The following SGPP2 variants were observed in gnomAD, a reference collection of about 807,000 sequenced individuals.
SGPP2 encodes the protein sphingosine 1-phosphate phosphohydrolase 2.
In SGPP2, 30 loss-of-function variants were observed where a neutral mutation model predicts 33.9. The ratio of observed to expected loss-of-function variants is 0.89; its 90% confidence interval spans 0.66 to 1.20. The LOEUF (loss-of-function observed/expected upper bound fraction) is 1.20, where lower values mean the gene tolerates loss of function less well. Among genes scored for constraint, SGPP2 ranks in the 50% most tolerant of loss-of-function variants. The pLI is 0.00. For synonymous variants in SGPP2, 233 were observed against 225.0 expected (o/e 1.04, Z -0.32); for missense variants, 458 against 532.1 (o/e 0.86, Z 1.37).
At chr2:222,442,838 T>G (rs1010515020) in intron 1 of SGPP2, among the ~76,000 whole-genome samples, 1 of 152,188 alleles carries the variant, frequency 6.6e-6, no homozygotes, top group African/African-American at 2.4e-5. Flanking sequence ...AATTTACCCT[T>G]CCTCAGAGCA....
intron 1 of SGPP2, among the ~76,000 whole-genome samples, chr2:222,463,749 AGTTTT>A: frequency 6.6e-6 from 1 of 152,340 alleles, no homozygotes; most frequent in African/African-American, 2.4e-5. Context: ...GTCAGACTTC[AGTTTT>A]GTGTTTGTAT....
intron 3 of SGPP2, among the ~76,000 whole-genome samples, chr2:222,522,582 A>G (rs1698702268): frequency 6.6e-6 from 1 of 152,226 alleles, no homozygotes; most frequent in Non-Finnish European, 1.5e-5. Context: ...TATTACAGCA[A>G]TGGAAGTTAT....
chr2:222,533,534 C>T (rs1314158684), intron 4 of SGPP2, among the ~76,000 whole-genome samples: 3 of 152,164 alleles, frequency 2.0e-5, no homozygotes, highest in Non-Finnish European at 2.9e-5. Flanking sequence ...TTACCAGATG[C>T]GTTAGTCAGG....
At chr2:222,493,588 G>A (rs745594641) in intron 2 of SGPP2, among the ~76,000 whole-genome samples, 2 of 152,116 alleles carry the variant, frequency 1.3e-5, no homozygotes, top group Non-Finnish European at 2.9e-5. Flanking sequence ...CTCCCGCCTT[G>A]GCCTCCCAAA....
intron 2 of SGPP2, among the ~76,000 whole-genome samples, chr2:222,517,848 G>T (rs980519861): frequency 6.6e-6 from 1 of 152,242 alleles, no homozygotes; most frequent in Non-Finnish European, 1.5e-5. Context: ...TGTGAAGGGG[G>T]TCAGGGAACT....
rs1232227870 is a variant in SGPP2, at chr2:222,520,679, G to A, written c.379-1088G>A. ...TGGGAGGCAGAGGTTGCAGTGTGCC[G>A]GGTGCAGTGTGCATTCCAGCCTGGG... is the stretch of plus-strand genomic sequence containing the variant. On this transcript the variant is annotated intron_variant, in intron 2 of 4. Coordinates refer to ENST00000321276, the MANE Select transcript of SGPP2 (RefSeq NM_152386.4). 9.3e-5 allele frequency among the ~76,000 whole-genome samples: 14 copies of A among 151,180 alleles called. 1 individual carries two copies. The highest frequency in any genetic ancestry group is 2.7e-4 in the African/African-American group (11 of 41,096).
intron 1 of SGPP2, among the ~76,000 whole-genome samples, chr2:222,434,874 G>A (rs1170237277): frequency 1.3e-5 from 2 of 151,680 alleles, no homozygotes; most frequent in Admixed American, 6.6e-5. Flanking sequence ...AGAACATCAA[G>A]TATTTTGTTT....
At chr2:222,528,116 T>C (rs1181421759) in intron 4 of SGPP2, among the ~76,000 whole-genome samples, 2 of 152,208 alleles carry the variant, frequency 1.3e-5, no homozygotes, top group African/African-American at 4.8e-5. Flanking sequence ...ATAATGGTTC[T>C]CAACCATAGC....
At chr2:222,490,330 C>G (rs1459203130) in intron 2 of SGPP2, among the ~76,000 whole-genome samples, 1 of 152,126 alleles carries the variant, frequency 6.6e-6, no homozygotes, top group Non-Finnish European at 1.5e-5. Flanking sequence ...AACAGGCACT[C>G]AAATCAAAAC....
At chr2:222,452,260 A>T (rs1423251013) in intron 1 of SGPP2, 1 of 462,344 alleles carries the variant, frequency 2.2e-6, no homozygotes, top group Non-Finnish European at 4.0e-6. Context: ...ACCCTCCATC[A>T]TATTGACTGG....
At chr2:222,455,333 A>C (rs1301654810) in intron 1 of SGPP2, among the ~76,000 whole-genome samples, 1 of 152,128 alleles carries the variant, frequency 6.6e-6, no homozygotes, top group Non-Finnish European at 1.5e-5. Flanking sequence ...CTCTGAACGG[A>C]GATGTGTAGG....
At chr2:222,508,908 A>G (rs1025061175) in intron 2 of SGPP2, among the ~76,000 whole-genome samples, 3 of 152,184 alleles carry the variant, frequency 2.0e-5, no homozygotes, top group Non-Finnish European at 4.4e-5. Context: ...CGTTACACAC[A>G]CACACATCAC....
At chr2:222,542,275 T>C (rs62188475) in intron 4 of SGPP2, among the ~76,000 whole-genome samples, 3,388 of 152,316 alleles carry the variant, frequency 0.022, 60 homozygotes, top group Non-Finnish European at 0.034. Context: ...TTGTTTAGCA[T>C]CTAACTCATG....
chr2:222,492,148 C>T (rs1256710182), intron 2 of SGPP2, among the ~76,000 whole-genome samples: 1 of 152,184 alleles, frequency 6.6e-6, no homozygotes, highest in Non-Finnish European at 1.5e-5. Flanking sequence ...ATCTACCATT[C>T]TGGGGCCTGG....
At chr2:222,487,219 C>T (rs1698125016) in intron 2 of SGPP2, among the ~76,000 whole-genome samples, 1 of 152,146 alleles carries the variant, frequency 6.6e-6, no homozygotes, top group African/African-American at 2.4e-5. Context: ...GGTTTATAAT[C>T]CAAGTGAAAA....
intron 1 of SGPP2, among the ~76,000 whole-genome samples, chr2:222,428,449 G>T (rs10932954): frequency 0.77 from 117,040 of 152,156 alleles, 45,145 homozygotes; most frequent in Middle Eastern, 0.9. Flanking sequence ...TTCCTCAGCA[G>T]TACATTAGAC....
intron 1 of SGPP2, chr2:222,453,050 T>C: frequency 1.4e-6 from 2 of 1,460,856 alleles, no homozygotes; most frequent in East Asian, 2.3e-5. Context: ...CTTCCTTCTT[T>C]TGTGGCGCTA....
intron 1 of SGPP2, among the ~76,000 whole-genome samples, chr2:222,457,476 C>T (rs1697590132): frequency 6.6e-6 from 1 of 152,106 alleles, no homozygotes; most frequent in African/African-American, 2.4e-5. Context: ...TCTAAAATTG[C>T]GAGCTTTTAA....
chr2:222,456,449 G>A (rs1423519845), intron 1 of SGPP2, among the ~76,000 whole-genome samples: 1 of 152,156 alleles, frequency 6.6e-6, no homozygotes, highest in African/African-American at 2.4e-5. Context: ...AGCCACATAT[G>A]GATACCATAT....
Sources: gnomAD v4.1 joint callset for allele counts (sites outside exome capture counted in the v4.1 genomes callset) on GRCh38, gnomAD v4.1.1 for gene constraint, MANE v1.5 for transcripts, NCBI Gene and HGNC (gene_info 2026-07-23, HGNC 2026-07-21) for gene names.